The following MFSD6 variants were observed in gnomAD, a reference collection of about 807,000 sequenced individuals.
MFSD6 encodes major facilitator superfamily domain containing 6.
MFSD6 carries 26 observed loss-of-function variants against 56.3 expected under a neutral mutation model. That is an observed-to-expected ratio of 0.46 (90% CI 0.34 to 0.64). The LOEUF is 0.64. Ranked by LOEUF, MFSD6 falls within the 30% of genes least tolerant of loss-of-function variation. The probability of loss-of-function intolerance (pLI) is 0.01; values close to 1 mark genes in which losing one functional copy is unlikely to be tolerated. For synonymous variants in MFSD6, 331 were observed against 366.9 expected, an observed-to-expected ratio of 0.90 and a Z score of 1.12; for missense variants, 750 against 986.2, an observed-to-expected ratio of 0.76 and a Z score of 3.21.
rs143086708 is a variant in MFSD6 at position 190,501,485 on chromosome 2, G to A, written c.*1267G>A. The A allele has an allele frequency of 1.2e-3, 190 of 152,300 alleles. 2 individuals are homozygous for A. In the East Asian group the frequency reaches 0.025, roughly 20 times the overall value. The allele number at this position is 152,300 out of a possible 1,614,324, so 9.4% of individuals were successfully genotyped here. ...AAGCAGAGGTTAACAGGAAACCTGG[G>A]GGGAGTGTGGAAAAGGGAAAACTGT... On this transcript the variant is annotated 3_prime_UTR_variant, in exon 8 of 8. Transcript: ENST00000392328.
chr2:190,432,845 CTCT>C (rs987489643), intron 2 of MFSD6, among the ~76,000 whole-genome samples: 1 of 148,718 alleles, frequency 6.7e-6, no homozygotes, highest in Non-Finnish European at 1.5e-5. Flanking sequence ...CACACACTCT[CTCT>C]CTCTCTCTCT....
chr2:190,472,187 C>A (rs929566028), intron 4 of MFSD6, among the ~76,000 whole-genome samples: 4 of 152,210 alleles, frequency 2.6e-5, no homozygotes, highest in African/African-American at 9.7e-5. Flanking sequence ...GAGCACCTCT[C>A]CTCCTCCAAA....
At chr2:190,409,813 T>A (rs1256261703) in intron 1 of MFSD6, among the ~76,000 whole-genome samples, 2 of 152,226 alleles carry the variant, frequency 1.3e-5, no homozygotes, top group Non-Finnish European at 1.5e-5. Flanking sequence ...CACGTCAAGC[T>A]GCTAGCAGAG....
rs1689138169 is a variant in MFSD6 at position 190,488,382 on chromosome 2, G to C, written c.1631-275G>C. ...GTGGTTGTCAGGGGATGGGACAAGG[G>C]GTGAGTGTAAGTTATGGTTTAAGGG... On this transcript the variant is annotated intron_variant, in intron 4 of 7. Coordinates refer to ENST00000392328, the MANE Select transcript of MFSD6 (RefSeq NM_017694.4). The surrounding 1 kb of genome is among the most constrained non-coding windows in gnomAD (Gnocchi z 6.4). 6.6e-6 allele frequency among the ~76,000 whole-genome samples: 1 copy of C among 152,166 alleles called. No individual in the cohort carries two copies. The highest frequency in any genetic ancestry group is 2.1e-4 in the South Asian group (1 of 4,830).
At chr2:190,429,879 G>A (rs969791022) in intron 2 of MFSD6, among the ~76,000 whole-genome samples, 7 of 151,416 alleles carry the variant, frequency 4.6e-5, no homozygotes, top group African/African-American at 1.7e-4. Context: ...TAAGTTCTAG[G>A]GTACATGTGT....
At position 190,437,319 on chromosome 2, in the gene MFSD6, G is replaced by A. The variant is rs138768363; in HGVS notation, c.1290G>A (p.Ser430=). The A allele has an allele frequency of 1.5e-5, 24 of 1,614,102 alleles. No individual in the cohort carries two copies. Among genetic ancestry groups the A allele is most frequent in the South Asian group, 5.5e-5 (5 of 91,094 alleles). ...SEETPTTTSH[S]QAFNFWDLIK... ...AGACACCAACCACCACAAGCCACTC[G>A]CAGGCCTTCAACTTTTGGGACTTAA... The change falls in exon 3 of 8, where the codon TCG becomes TCA. Residue 430 remains serine, a synonymous_variant. Coordinates refer to ENST00000392328, the MANE Select transcript of MFSD6 (RefSeq NM_017694.4). This position sits in a 1 kb window ranked among gnomAD's most constrained non-coding sequence, Gnocchi z 5.9.
At chr2:190,430,345 C>A (rs1685928401) in intron 2 of MFSD6, among the ~76,000 whole-genome samples, 1 of 151,010 alleles carries the variant, frequency 6.6e-6, no homozygotes, top group Non-Finnish European at 1.5e-5. Flanking sequence ...AGGCAGAGGA[C>A]CCTGCGGCCT....
rs139087558 is a variant in MFSD6, at chr2:190,436,491, T to G, written c.462T>G (p.Pro154=). 1.5e-5 allele frequency: 25 copies of G among 1,614,128 alleles called. No individual in the cohort carries two copies. In the African/African-American group the frequency reaches 3.2e-4, roughly 21 times the overall value. The change falls in exon 3 of 8, where the codon CCT becomes CCG. Residue 154 remains proline (P), a synonymous_variant. Coordinates refer to ENST00000392328, the MANE Select transcript of MFSD6 (RefSeq NM_017694.4). The surrounding 1 kb of genome is among the most constrained non-coding windows in gnomAD (Gnocchi z 5.3). The part of the protein sequence containing the change: ...LFNLGIGFVK[P]ATLRCVPKIR... ...ACCTGGGCATTGGATTTGTCAAACC[T>G]GCTACCTTGAGATGTGTACCAAAGA...
rs1179680705 is a variant in MFSD6 at position 190,465,917 on chromosome 2, C to T, written c.1533-3841C>T. On this transcript the variant is annotated intron_variant, in intron 3 of 7. Transcript: ENST00000392328. The surrounding 1 kb of genome is among the most constrained non-coding windows in gnomAD (Gnocchi z 4.6). ...CTGAGGCAGAAGAATCGCTTGAATC[C>T]GGGAGGCGGTGGTTACAGCAAACCA... is the stretch of plus-strand genomic sequence containing the variant. Among the ~76,000 whole-genome samples the T allele has an allele frequency of 2.6e-5, 4 of 152,178 alleles. No individual in the cohort carries two copies. The highest frequency in any genetic ancestry group is 1.9e-4 in the East Asian group (1 of 5,182).
At chr2:190,453,033 T>G (rs1217780601) in intron 3 of MFSD6, among the ~76,000 whole-genome samples, 1 of 152,150 alleles carries the variant, frequency 6.6e-6, no homozygotes, top group Non-Finnish European at 1.5e-5. Flanking sequence ...GACAGACATA[T>G]TCCTGTGTCA....
chr2:190,455,383 T>G (rs554901306), intron 3 of MFSD6, among the ~76,000 whole-genome samples: 1 of 152,306 alleles, frequency 6.6e-6, no homozygotes, highest in South Asian at 2.1e-4. Context: ...CTACTTTTTG[T>G]GTGTATGAAA....
Position 190,417,092 on chromosome 2 carries a change from A to G in MFSD6, c.-54+1679A>G, listed in dbSNP as rs1324276086. On this transcript the variant is annotated intron_variant, in intron 2 of 7. Transcript: ENST00000392328. The surrounding 1 kb of genome is among the most constrained non-coding windows in gnomAD (Gnocchi z 5.7). ...AAGATAGCAATAAAATTACCTATAA[A>G]TCCTACAGTAGATGTGAGAACAATC... Among the ~76,000 whole-genome samples the G allele has an allele frequency of 6.6e-6, 1 of 152,112 alleles. No individual in the cohort carries two copies. The highest frequency in any genetic ancestry group is 1.5e-5 in the Non-Finnish European group (1 of 68,022).
chr2:190,436,394 G>T lies in MFSD6; in HGVS notation c.365G>T (p.Gly122Val). Residue 122 changes from glycine to valine, a missense_variant, in exon 3 of 8, where the codon GGT becomes GTT. Transcript: ENST00000392328. This position sits in a 1 kb window ranked among gnomAD's most constrained non-coding sequence, Gnocchi z 5.3. ...GAATTCTGCAGTGCCCCCTTTTGGGGTGTAGTTGCAGACCGCTTTAAAAAA... is the reference window on the plus strand; with the variant it reads ...GAATTCTGCAGTGCCCCCTTTTGGGTTGTAGTTGCAGACCGCTTTAAAAAA... ...FIEFCSAPFWGVVADRFKKGK... is the reference protein window; with the variant it reads ...FIEFCSAPFWVVVADRFKKGK... 6.2e-7 allele frequency: 1 copy of T among 1,614,194 alleles called. No homozygotes were observed. Among genetic ancestry groups the T allele is most frequent in the Non-Finnish European group, 8.5e-7 (1 of 1,180,036 alleles).
chr2:190,434,230 C>T lies in MFSD6; in HGVS notation c.-53-1747C>T, dbSNP rs1361099245. ...GAAAAGAAGGTGAAAGGAATTAACA[C>T]ATATTTAATGTATATACTTCCTACC... On this transcript the variant is annotated intron_variant, in intron 2 of 7. Coordinates refer to ENST00000392328, the MANE Select transcript of MFSD6 (RefSeq NM_017694.4). This position sits in a 1 kb window ranked among gnomAD's most constrained non-coding sequence, Gnocchi z 4.3. Among the ~76,000 whole-genome samples, 3 of 151,044 alleles carry T rather than the reference C, an allele frequency of 2.0e-5. No homozygotes were observed. The highest frequency in any genetic ancestry group is 2.9e-5 in the Non-Finnish European group (2 of 67,818).
chr2:190,445,222 A>G (rs1015201989), intron 3 of MFSD6, among the ~76,000 whole-genome samples: 3 of 152,148 alleles, frequency 2.0e-5, no homozygotes, highest in Non-Finnish European at 4.4e-5. Context: ...AATTGATGCA[A>G]AGCACTCAGA....
At chr2:190,421,533 TTTTA>T (rs1247187081) in intron 2 of MFSD6, among the ~76,000 whole-genome samples, 7 of 152,258 alleles carry the variant, frequency 4.6e-5, no homozygotes, top group Admixed American at 1.3e-4. Context: ...TCTGTGCTCT[TTTTA>T]TTTCTCTTCC....
At chr2:190,477,517 C>T (rs1056653191) in intron 4 of MFSD6, 7 of 231,400 alleles carry the variant, frequency 3.0e-5, no homozygotes, top group Non-Finnish European at 5.0e-5. Flanking sequence ...ATCCATGAAA[C>T]GGTTAAAGAA....
chr2:190,421,056 C>T (rs1685596344), intron 2 of MFSD6, among the ~76,000 whole-genome samples: 1 of 152,142 alleles, frequency 6.6e-6, no homozygotes, highest in Non-Finnish European at 1.5e-5. Context: ...AAGTCATTTG[C>T]ATATGGTGGA....
chr2:190,414,760 A>T (rs1403382613), intron 1 of MFSD6, among the ~76,000 whole-genome samples: 2 of 152,200 alleles, frequency 1.3e-5, no homozygotes, highest in African/African-American at 4.8e-5. Context: ...ATGATTTTTT[A>T]AAAATCCAGC....
Sources: gnomAD v4.1 joint callset for allele counts (sites outside exome capture counted in the v4.1 genomes callset) on GRCh38, gnomAD v4.1.1 for gene constraint, Gnocchi (gnomAD v3.1) non-coding constraint, MANE v1.5 for transcripts, NCBI Gene and HGNC (gene_info 2026-07-23, HGNC 2026-07-21) for gene names.